The following UROS variants were observed in gnomAD, a reference collection of about 807,000 sequenced individuals.
UROS encodes the protein uroporphyrinogen III synthase.
UROS carries 18 observed loss-of-function variants against 33.0 expected under a neutral mutation model. The observed-to-expected ratio is 0.55, with a 90% confidence interval of 0.38 to 0.81. The LOEUF is 0.81. Ranked by LOEUF, UROS falls within the 30% of genes least tolerant of loss-of-function variation. The probability of loss-of-function intolerance (pLI) is 0.00; values close to 1 mark genes in which losing one functional copy is unlikely to be tolerated. For missense variants in UROS, 293 were observed against 314.9 expected (o/e 0.93, Z 0.53); for synonymous variants, 114 against 121.1 (o/e 0.94, Z 0.38).
At chr10:125,805,505 T>C (rs781394296) in intron 6 of UROS, among the ~76,000 whole-genome samples, 5 of 152,320 alleles carry the variant, frequency 3.3e-5, no homozygotes, top group East Asian at 1.9e-4. Context: ...AGAGTCTCTA[T>C]AGCAGCACAG....
chr10:125,807,290 CG>C (rs1852417427), intron 6 of UROS, 122 bp downstream of exon 6: 1 of 858,184 alleles, frequency 1.2e-6, no homozygotes, highest in Non-Finnish European at 1.9e-6. Context: ...GTGGGTTATA[CG>C]ATGCTCACCA....
chr10:125,821,016 C>T (rs187306931), intron 1 of UROS, among the ~76,000 whole-genome samples: 311 of 152,254 alleles, frequency 2.0e-3, no homozygotes, highest in African/African-American at 7.2e-3. Context: ...GGCTTTTTCC[C>T]CTACTTGTCT....
intron 5 of UROS, 46 bp from the exon 6 acceptor site, chr10:125,807,533 T>C: frequency 6.8e-7 from 1 of 1,469,826 alleles, no homozygotes; most frequent in Non-Finnish European, 9.5e-7. Flanking sequence ...GTTATTGAAG[T>C]CCTTTTGTTC....
At chr10:125,814,633 A>G (rs1853134492) in intron 4 of UROS, among the ~76,000 whole-genome samples, 1 of 152,186 alleles carries the variant, frequency 6.6e-6, no homozygotes, top group Admixed American at 6.5e-5. Flanking sequence ...TACTGTTCTA[A>G]TAGTGAGGGA....
At chr10:125,801,191 A>G (rs74807083) in intron 6 of UROS, among the ~76,000 whole-genome samples, 1 of 152,324 alleles carries the variant, frequency 6.6e-6, no homozygotes, top group East Asian at 1.9e-4. Context: ...AGAAAAGCCC[A>G]GTAAGTGTGC....
rs1564768681 is a variant in UROS, at chr10:125,788,800, A to G, written c.*68T>C. ...CAGCAGCTCCCGAGAGCCCTTGCCG[A>G]TGCCTGGCTCCATCCAGAGCCAGCC... is the stretch of plus-strand genomic sequence containing the variant. On this transcript the variant is annotated 3_prime_UTR_variant, in exon 10 of 10. Transcript: ENST00000368797. 1 of 1,522,288 alleles carries G rather than the reference A, an allele frequency of 6.6e-7. No homozygotes were observed. 94.3% of individuals were successfully genotyped at this position (1,522,288 alleles called of 1,614,324 possible).
intron 6 of UROS, 36 bp from the exon 7 acceptor site, chr10:125,798,181 G>C: frequency 6.2e-7 from 1 of 1,608,366 alleles, no homozygotes; most frequent in Non-Finnish European, 8.5e-7. Context: ...GAAAACTCAG[G>C]GCCAGTGCCT....
chr10:125,796,886 T>G, intron 7 of UROS: 1 of 984,596 alleles, frequency 1.0e-6, no homozygotes, highest in Non-Finnish European at 1.2e-6. Context: ...GGAAACTCTC[T>G]CAGAAGAAAT....
Position 125,823,222 on chromosome 10 carries a change from CG to C in UROS, c.-221del, listed in dbSNP as rs1854169246. ...GACCCCGCACCTCAGACTGGGGTCGCGTGGGTGGCTGCGCGCAGCTAGGCGC... is the reference window on the plus strand; with the variant it reads ...GACCCCGCACCTCAGACTGGGGTCGCTGGGTGGCTGCGCGCAGCTAGGCGC... On this transcript the variant is annotated 5_prime_UTR_variant, in exon 1 of 10. The change creates a premature stop within an existing upstream ORF in the 5' untranslated region. Coordinates refer to ENST00000368797, the MANE Select transcript of UROS (RefSeq NM_000375.3). 4.4e-6 allele frequency: 1 copy of C among 226,436 alleles called. No homozygotes were observed. The highest frequency in any genetic ancestry group is 9.8e-5 in the East Asian group (1 of 10,252). 14.0% of individuals were successfully genotyped at this position (226,436 alleles called of 1,614,324 possible). A position where few individuals can be genotyped will look rare whatever the true frequency, so the allele number is the denominator to read the frequency against.
chr10:125,798,051 A>T lies in UROS; in HGVS notation c.475+14T>A, dbSNP rs17425877. 990 of 1,613,596 alleles carry T rather than the reference A, an allele frequency of 6.1e-4. 1 individual carries two copies. The highest frequency in any genetic ancestry group is 6.1e-4 in the Non-Finnish European group (717 of 1,179,638). On this transcript the variant is annotated intron_variant, in intron 7 of 9. Transcript: ENST00000368797. ...CCAAAGTGGTAAGGGATGCAGTCAA[A>T]GCATTCTACTCGCCTTTGTCCTTGA...
intron 9 of UROS, 43 bp downstream of exon 9, chr10:125,794,837 A>T: frequency 6.4e-7 from 1 of 1,562,016 alleles, no homozygotes; most frequent in Non-Finnish European, 8.8e-7. Flanking sequence ...TAAAAAAAAA[A>T]AAAAGAATCT....
At chr10:125,817,332 T>C (rs1002667382) in intron 1 of UROS, among the ~76,000 whole-genome samples, 6 of 142,450 alleles carry the variant, frequency 4.2e-5, no homozygotes, top group Admixed American at 2.3e-4. Flanking sequence ...CCTCCCAAAA[T>C]GCTGGGATTA....
chr10:125,803,035 A>G (rs746913890), intron 6 of UROS: 25 of 1,612,820 alleles, frequency 1.6e-5, no homozygotes, highest in East Asian at 1.3e-4. Flanking sequence ...CTGAGGGAAG[A>G]GAAATGAGCA....
intron 9 of UROS, among the ~76,000 whole-genome samples, chr10:125,790,895 AGCCTGGCCAACATG>A (rs1348907448): frequency 6.6e-6 from 1 of 152,058 alleles, no homozygotes; most frequent in African/African-American, 2.4e-5. Context: ...GTTCAAGACC[AGCCTGGCCAACATG>A]GTGAAACCCC....
chr10:125,785,168 T>C (rs1227776969), downstream of UROS: 1 of 152,238 alleles, frequency 6.6e-6, no homozygotes, highest in Non-Finnish European at 1.5e-5. Context: ...GGGATAGTTT[T>C]TGTGCCCACA....
chr10:125,796,199 TC>T lies in UROS; in HGVS notation c.476-12del. 6.2e-7 allele frequency: 1 copy of T among 1,613,992 alleles called. No individual in the cohort carries two copies. Among genetic ancestry groups the T allele is most frequent in the Non-Finnish European group, 8.5e-7 (1 of 1,179,940 alleles). The stretch of plus-strand genomic sequence containing the variant: ...TTTCCATGGCAATCCCTGGGCACAA[TC>T]AAAAGCAGGAAAGACTTTACCGCAC... On this transcript the variant is annotated splice_polypyrimidine_tract_variant and intron_variant, in intron 7 of 9. Coordinates refer to ENST00000368797, the MANE Select transcript of UROS (RefSeq NM_000375.3).
At chr10:125,803,174 G>A (rs923769971) in intron 6 of UROS, 2 of 1,128,814 alleles carry the variant, frequency 1.8e-6, no homozygotes, top group African/African-American at 1.6e-5. Flanking sequence ...TTATGGACAA[G>A]TTTTCCCTCT....
At position 125,803,366 on chromosome 10, in the gene UROS, C is replaced by T. The variant is rs188166967; in HGVS notation, c.394+4047G>A. The stretch of plus-strand genomic sequence containing the variant: ...TATGCCCCCAGAGCCTCCAGGACCC[C>T]GTGGAAGCTGCCTGCCAGCAAGCCC... On this transcript the variant is annotated intron_variant, in intron 6 of 9. Coordinates refer to ENST00000368797, the MANE Select transcript of UROS (RefSeq NM_000375.3). 1.9e-3 allele frequency among the ~76,000 whole-genome samples: 294 copies of T among 152,336 alleles called. 2 individuals are homozygous for T. The highest frequency in any genetic ancestry group is 6.6e-3 in the African/African-American group (274 of 41,576).
chr10:125,795,037 C>T (rs1032523361), intron 8 of UROS, 59 bp from the exon 9 acceptor site: 1 of 1,507,566 alleles, frequency 6.6e-7, no homozygotes, highest in African/African-American at 1.4e-5. Context: ...AGACAACATT[C>T]CTCCGGCTTC....
Sources: allele counts gnomAD v4.1 joint callset (sites outside exome capture counted in the v4.1 genomes callset), GRCh38; gene constraint gnomAD v4.1.1; transcripts MANE v1.5; gene names NCBI Gene and HGNC (gene_info 2026-07-23, HGNC 2026-07-21).